The following SLC5A4 variants were observed in gnomAD, a reference collection of about 807,000 sequenced individuals.
SLC5A4 encodes solute carrier family 5 member 4, also known as probable glucose sensor protein SLC5A4.
SLC5A4 carries 55 observed loss-of-function variants against 70.3 expected under a neutral mutation model. The ratio of observed to expected loss-of-function variants is 0.78; its 90% CI spans 0.63 to 0.98. The LOEUF is 0.98. SLC5A4 is among the 50% of genes least tolerant of loss of function. SLC5A4 has a pLI of 0.00. For missense variants in SLC5A4, 735 were observed against 839.2 expected, an observed-to-expected ratio of 0.88 and a Z score of 1.53; for synonymous variants, 268 against 305.7, an observed-to-expected ratio of 0.88 and a Z score of 1.29.
the SLC5A4 span, chr22:32,272,918 G>A: frequency 4.4e-5 from 23 of 526,242 alleles, no homozygotes; most frequent in Non-Finnish European, 8.6e-5. Flanking sequence ...CTCAACCTCC[G>A]CACCTTCCGG....
the SLC5A4 span, among the ~76,000 whole-genome samples, chr22:32,300,750 G>A: frequency 0.48 from 72,455 of 151,602 alleles, 17,421 homozygotes; most frequent in Admixed American, 0.51. Context: ...TTTTATTGTT[G>A]CATAGTATTC....
At chr22:32,260,841 G>A in the SLC5A4 span, among the ~76,000 whole-genome samples, 1 of 152,246 alleles carries the variant, frequency 6.6e-6, no homozygotes, top group African/African-American at 2.4e-5. Context: ...GGGAGGCCAA[G>A]GTGGGTGGAT....
At chr22:32,251,264 G>T (rs1181811105) in intron 3 of SLC5A4, among the ~76,000 whole-genome samples, 1 of 149,664 alleles carries the variant, frequency 6.7e-6, no homozygotes, top group Non-Finnish European at 1.5e-5. Flanking sequence ...GTTTCAACGT[G>T]TACCACCAAG....
the SLC5A4 span, among the ~76,000 whole-genome samples, chr22:32,331,700 C>T: frequency 6.6e-6 from 1 of 152,160 alleles, no homozygotes; most frequent in Middle Eastern, 3.4e-3. Flanking sequence ...GGGATGGGGA[C>T]GTGGGCATGG....
At chr22:32,252,659 A>C (rs1364125391) in intron 2 of SLC5A4, among the ~76,000 whole-genome samples, 1 of 152,176 alleles carries the variant, frequency 6.6e-6, no homozygotes, top group Non-Finnish European at 1.5e-5. Context: ...TGGTCAATCT[A>C]CTAAAATGCT....
At chr22:32,292,414 T>C in the SLC5A4 span, among the ~76,000 whole-genome samples, 1 of 148,826 alleles carries the variant, frequency 6.7e-6, no homozygotes, top group East Asian at 1.9e-4. Flanking sequence ...TTTTTTCTAG[T>C]GTATGTGTGT....
At chr22:32,266,465 C>T in the SLC5A4 span, among the ~76,000 whole-genome samples, 1 of 152,184 alleles carries the variant, frequency 6.6e-6, no homozygotes, top group African/African-American at 2.4e-5. Flanking sequence ...AAAACTAAAA[C>T]CTGTTCACAC....
chr22:32,310,540 A>G, the SLC5A4 span, among the ~76,000 whole-genome samples: 30 of 152,106 alleles, frequency 2.0e-4, no homozygotes, highest in South Asian at 6.2e-4. Context: ...TGCTCATGTC[A>G]GGGGAGAGGA....
the SLC5A4 span, among the ~76,000 whole-genome samples, chr22:32,324,495 G>T: frequency 6.6e-6 from 1 of 152,128 alleles, no homozygotes. Flanking sequence ...GCCCCAGTGT[G>T]TTCTTCACAT....
chr22:32,238,804 T>C lies in SLC5A4; in HGVS notation c.583+181A>G, dbSNP rs560641851. Among the ~76,000 whole-genome samples, 15 of 152,308 alleles carry C rather than the reference T, an allele frequency of 9.8e-5. 1 individual carries two copies. In the South Asian group the frequency reaches 2.9e-3, roughly 29 times the overall value. ...TCCATCAAGATGTTCACATCTAATA[T>C]GGAGGATTCTGTGTTGTATGGTCTA... is the stretch of plus-strand genomic sequence containing the variant. On this transcript the variant is annotated intron_variant, in intron 6 of 14. Coordinates refer to ENST00000266086, the MANE Select transcript of SLC5A4 (RefSeq NM_014227.3).
chr22:32,326,631 G>T, the SLC5A4 span, among the ~76,000 whole-genome samples: 1 of 152,136 alleles, frequency 6.6e-6, no homozygotes, highest in Non-Finnish European at 1.5e-5. Context: ...TTGTAAATGT[G>T]TCCCTGCAAA....
upstream of SLC5A4, among the ~76,000 whole-genome samples, chr22:32,259,504 G>T (rs986740419): frequency 7.2e-5 from 11 of 152,072 alleles, no homozygotes; most frequent in Non-Finnish European, 1.6e-4. Flanking sequence ...ATGCTACATT[G>T]ACTGATTTTC....
the SLC5A4 span, among the ~76,000 whole-genome samples, chr22:32,352,472 C>A: frequency 1.3e-5 from 2 of 151,926 alleles, no homozygotes; most frequent in Admixed American, 1.3e-4. Flanking sequence ...CAAATAGTTA[C>A]CCCCCAAACT....
chr22:32,353,380 G>A, the SLC5A4 span, among the ~76,000 whole-genome samples: 11 of 152,092 alleles, frequency 7.2e-5, no homozygotes, highest in African/African-American at 2.4e-4. Flanking sequence ...GGGGTCCCAG[G>A]CAGTTTCCGC....
chr22:32,335,319 C>A, the SLC5A4 span, among the ~76,000 whole-genome samples: 1 of 150,932 alleles, frequency 6.6e-6, no homozygotes. Context: ...AGGCTGGCAA[C>A]AGAACCACCT....
the SLC5A4 span, among the ~76,000 whole-genome samples, chr22:32,333,528 C>T: frequency 6.6e-6 from 1 of 152,068 alleles, no homozygotes; most frequent in Non-Finnish European, 1.5e-5. Flanking sequence ...TGAATGTGTC[C>T]TTTACCTCCA....
At chr22:32,221,351 A>G (rs1427358156) in intron 13 of SLC5A4, among the ~76,000 whole-genome samples, 3 of 152,206 alleles carry the variant, frequency 2.0e-5, no homozygotes, top group Non-Finnish European at 4.4e-5. Context: ...TGTCCTTAAC[A>G]TCCAACAGTT....
At chr22:32,326,505 T>C in the SLC5A4 span, among the ~76,000 whole-genome samples, 2 of 152,052 alleles carry the variant, frequency 1.3e-5, no homozygotes, top group Non-Finnish European at 2.9e-5. Flanking sequence ...TCCACCCGCC[T>C]CGGCCTCTCA....
chr22:32,306,472 A>AC, the SLC5A4 span, among the ~76,000 whole-genome samples: 1 of 150,070 alleles, frequency 6.7e-6, no homozygotes, highest in Non-Finnish European at 1.5e-5. Flanking sequence ...TCTCAAAAAA[A>AC]AAAAACAAAA....
Sources: allele counts gnomAD v4.1 joint callset (sites outside exome capture counted in the v4.1 genomes callset), GRCh38; gene constraint gnomAD v4.1.1; transcripts MANE v1.5; gene names NCBI Gene and HGNC (gene_info 2026-07-23, HGNC 2026-07-21).